Variants in ZSCAN18 observed in about 807,000 individuals in gnomAD.
The protein encoded by ZSCAN18 is zinc finger and SCAN domain-containing protein 18.
A neutral mutation model predicts 31.1 loss-of-function variants in ZSCAN18; 16 were observed. The ratio of observed to expected loss-of-function variants is 0.51; its 90% CI spans 0.35 to 0.78. The LOEUF is 0.78. Ranked by LOEUF, ZSCAN18 falls within the 30% of genes least tolerant of loss-of-function variation. The pLI is 0.01. For missense variants in ZSCAN18, 731 were observed against 697.4 expected (o/e 1.05, Z -0.54); for synonymous variants, 375 against 320.7 (o/e 1.17, Z -1.81).
rs146845983 is a variant in ZSCAN18, at chr19:58,097,408, T to C, written c.-120+766A>G. 8.4e-3 allele frequency among the ~76,000 whole-genome samples: 1,271 copies of C among 150,862 alleles called. 30 individuals carry two copies. Among genetic ancestry groups the C allele is most frequent in the African/African-American group, 0.028 (1,167 of 41,006 alleles). On this transcript the variant is annotated intron_variant, in intron 1 of 6. Transcript: ENST00000601144. The stretch of plus-strand genomic sequence containing the variant: ...CAGGCCCCCACCCCAACCCCCTGGG[T>C]CAGGACCGAAGCCAGTACACCCACT...
chr19:58,089,583 G>A (rs546158784), intron 2 of ZSCAN18, among the ~76,000 whole-genome samples: 15 of 152,288 alleles, frequency 9.8e-5, no homozygotes, highest in Admixed American at 8.5e-4. Flanking sequence ...CTGAGATTGC[G>A]CCACTGCGCT....
chr19:58,116,198 T>TA lies in ZSCAN18; in HGVS notation c.130+2068dup, dbSNP rs531549545. 4.4e-4 allele frequency among the ~76,000 whole-genome samples: 64 copies of TA among 145,544 alleles called. No homozygotes were observed. In the East Asian group the frequency reaches 9.9e-3, roughly 23 times the overall value. ...CTGGATATCACAAAGGAAAAAACTC[T>TA]AAAAAAAACCCCCAAAAAACGGCCT... is the stretch of plus-strand genomic sequence containing the variant. On this transcript the variant is annotated intron_variant, in intron 1 of 1. Coordinates refer to the ZSCAN18 transcript ENST00000595721.
intron 1 of ZSCAN18, 143 bp downstream of exon 1, chr19:58,098,031 C>T: frequency 1.0e-6 from 1 of 985,816 alleles, no homozygotes; most frequent in South Asian, 4.7e-5. Context: ...CCTCGGCCTC[C>T]TGGACGCACA....
intron 1 of ZSCAN18, among the ~76,000 whole-genome samples, chr19:58,097,538 G>A (rs2074542316): frequency 6.6e-6 from 1 of 151,776 alleles, no homozygotes; most frequent in Admixed American, 6.6e-5. Flanking sequence ...CCAAGGGTGG[G>A]GGCAGCAGAG....
rs1284746828 is a variant in ZSCAN18, at chr19:58,090,015, T to TG, written c.252dup (p.Lys85GlnfsTer19). On this transcript the variant is annotated frameshift_variant, in exon 2 of 7. Coordinates refer to ENST00000601144, the MANE Select transcript of ZSCAN18 (RefSeq NM_001145543.2). LOFTEE classifies it high-confidence loss of function. The surrounding 1 kb of genome is among the most constrained non-coding windows in gnomAD (Gnocchi z 4.7). Reference sequence around the variant, plus strand: ...ACCAGCAGCTCCAGCATCTGCTCCTTGGAGCGCGCCTCAGGCATCAGCCAC... The same window carrying TG: ...ACCAGCAGCTCCAGCATCTGCTCCTTGGGAGCGCGCCTCAGGCATCAGCCAC... 6.2e-7 allele frequency: 1 copy of TG among 1,613,932 alleles called. No homozygotes were observed. The highest frequency in any genetic ancestry group is 2.2e-5 in the East Asian group (1 of 44,892).
Position 58,090,365 on chromosome 19 carries a change from G to C in ZSCAN18, c.-98C>G. ...GATGACCAGATGCCCAGTGGGCTCA[G>C]GTGGTGCCAGAACCCACAGACCTGC... On this transcript the variant is annotated 5_prime_UTR_variant, in exon 2 of 7. Coordinates refer to ENST00000601144, the MANE Select transcript of ZSCAN18 (RefSeq NM_001145543.2). The surrounding 1 kb of genome is among the most constrained non-coding windows in gnomAD (Gnocchi z 4.7). 4 of 1,587,300 alleles carry C rather than the reference G, an allele frequency of 2.5e-6. No homozygotes were observed. Among genetic ancestry groups the C allele is most frequent in the East Asian group, 2.3e-5 (1 of 44,372 alleles).
rs747738797 is a variant in ZSCAN18 at position 58,084,697 on chromosome 19, C to T, written c.1521G>A (p.Glu507=). 1.0e-5 allele frequency: 15 copies of T among 1,499,476 alleles called. No individual in the cohort carries two copies. Among genetic ancestry groups the T allele is most frequent in the Non-Finnish European group, 1.1e-5 (12 of 1,134,988 alleles). 92.9% of individuals were successfully genotyped at this position (1,499,476 alleles called of 1,614,324 possible). Residue 507 remains glutamate, a synonymous_variant, in exon 7 of 7, where the codon GAG becomes GAA. Coordinates refer to ENST00000601144, the MANE Select transcript of ZSCAN18 (RefSeq NM_001145543.2). This position sits in a 1 kb window ranked among gnomAD's most constrained non-coding sequence, Gnocchi z 4.5. ...VEGEAPPAPP[E]AQR is the part of the protein sequence containing the mutation. ...ACAGCACAGCGGCTCACCTCTGCGC[C>T]TCTGGGGGTGCGGGGGGAGCCTCGC...
intron 1 of ZSCAN18, among the ~76,000 whole-genome samples, chr19:58,114,782 C>T (rs2074716854): frequency 1.3e-5 from 2 of 152,078 alleles, no homozygotes; most frequent in Non-Finnish European, 2.9e-5. Flanking sequence ...TCTTTTTTCT[C>T]AACTTTTCTG....
chr19:58,101,386 T>C (rs994996284), upstream of ZSCAN18, among the ~76,000 whole-genome samples: 2 of 149,988 alleles, frequency 1.3e-5, no homozygotes, highest in Non-Finnish European at 3.0e-5. Context: ...CCTGACCTCA[T>C]GATCCACCCG....
At chr19:58,086,820 A>C (rs2074289704) in intron 5 of ZSCAN18, 86 bp downstream of exon 5, 3 of 1,013,610 alleles carry the variant, frequency 3.0e-6, no homozygotes, top group Non-Finnish European at 4.5e-6. Flanking sequence ...GTCCCAGCCA[A>C]AGTCCCTGGG....
chr19:58,089,861 C>T lies in ZSCAN18; in HGVS notation c.403+4G>A. 1 of 1,604,320 alleles carries T rather than the reference C, an allele frequency of 6.2e-7. No homozygotes were observed. ...AGCCATGCTTCTCCTCTGTGACAGC[C>T]CACCTGGCTCTTCCAGGACATCAGC... On this transcript the variant is annotated splice_donor_region_variant and intron_variant, in intron 2 of 6. Transcript: ENST00000601144.
chr19:58,084,799 G>C lies in ZSCAN18; in HGVS notation c.1419C>G (p.Gly473=), dbSNP rs1410354192. ...GGGTGGACGGTTGGGGGCCCCGGGC[G>C]CCCCCCAGCGCGTAGCTTTTCTCCT... ...HEKEKSYALG[G]ARGPQPSTRE... The change falls in exon 7 of 7, where the codon GGC becomes GGG. Residue 473 remains glycine, a synonymous_variant. Coordinates refer to ENST00000601144, the MANE Select transcript of ZSCAN18 (RefSeq NM_001145543.2). This position sits in a 1 kb window ranked among gnomAD's most constrained non-coding sequence, Gnocchi z 4.5. 6.3e-7 allele frequency: 1 copy of C among 1,578,450 alleles called. No homozygotes were observed. The highest frequency in any genetic ancestry group is 1.8e-5 in the Admixed American group (1 of 55,756).
At position 58,085,049 on chromosome 19, in the gene ZSCAN18, T is replaced by TCGC. The variant is rs1453615711; in HGVS notation, c.1166_1168dup (p.Gly389dup). 20 of 1,597,396 alleles carry TCGC rather than the reference T, an allele frequency of 1.3e-5. No individual in the cohort carries two copies. The highest frequency in any genetic ancestry group is 1.7e-5 in the Non-Finnish European group (20 of 1,171,150). ...CTGCCCGGCCTCCAGCCCTGCGCTG[T>TCGC]CGCCGGAGCTAGAGACGCCCTCGAG... On this transcript the variant is annotated inframe_insertion, in exon 7 of 7. Coordinates refer to ENST00000601144, the MANE Select transcript of ZSCAN18 (RefSeq NM_001145543.2).
intron 2 of ZSCAN18, among the ~76,000 whole-genome samples, chr19:58,089,310 A>ACC (rs2074358448): frequency 5.4e-5 from 4 of 73,486 alleles, no homozygotes; most frequent in African/African-American, 2.2e-4. Context: ...CTCAAAAAAA[A>ACC]AAAAAAAAAA....
At chr19:58,087,066 C>T (rs2074296138) in intron 4 of ZSCAN18, 58 bp from the exon 5 acceptor site, 9 of 1,418,396 alleles carry the variant, frequency 6.3e-6, no homozygotes, top group East Asian at 2.4e-5. Flanking sequence ...GAGGACCCGC[C>T]GCAGCCCCAC....
Position 58,085,179 on chromosome 19 carries a change from T to C in ZSCAN18, c.1039A>G (p.Thr347Ala). The C allele has an allele frequency of 6.2e-7, 1 of 1,610,630 alleles. No individual in the cohort carries two copies. Among genetic ancestry groups the C allele is most frequent in the Non-Finnish European group, 8.5e-7 (1 of 1,179,418 alleles). Residue 347 changes from threonine (T) to alanine (A), a missense_variant, in exon 7 of 7, where the codon ACC becomes GCC. Thr to Ala is a moderately conservative substitution (Grantham distance 58, BLOSUM62 0). Around this residue, in one of 4 missense-constraint regions of ZSCAN18, gnomAD observed 597 missense variants for 499.5 expected, o/e 1.20. Transcript: ENST00000601144. ...DPQDAESDSA[T>A]GSQRQSVIQQ... ...ATGACGGACTGCCTCTGCGATCCGGTGGCAGAGTCGGACTCCGCGTCCTGG... is the reference window on the plus strand; with the variant it reads ...ATGACGGACTGCCTCTGCGATCCGGCGGCAGAGTCGGACTCCGCGTCCTGG...
At chr19:58,113,995 C>T (rs535070172) in intron 1 of ZSCAN18, among the ~76,000 whole-genome samples, 114 of 150,516 alleles carry the variant, frequency 7.6e-4, no homozygotes, top group African/African-American at 2.7e-3. Context: ...TAAGGCTGGG[C>T]GTGGTGGCTC....
chr19:58,103,236 C>CA (rs1206479040), intron 1 of ZSCAN18, among the ~76,000 whole-genome samples: 1 of 152,148 alleles, frequency 6.6e-6, no homozygotes, highest in Non-Finnish European at 1.5e-5. Flanking sequence ...AAAGGAAATA[C>CA]GGTAAGTCTT....
intron 1 of ZSCAN18, among the ~76,000 whole-genome samples, chr19:58,114,038 G>C (rs2074710020): frequency 6.6e-6 from 1 of 151,994 alleles, no homozygotes; most frequent in Non-Finnish European, 1.5e-5. Context: ...GGGAGGCCAA[G>C]GTGGGCAGAT....
Sources: allele counts gnomAD v4.1 joint callset (sites outside exome capture counted in the v4.1 genomes callset), GRCh38; gene constraint gnomAD v4.1.1; regional missense constraint gnomAD v4.1.1; non-coding constraint Gnocchi (gnomAD v3.1); transcripts MANE v1.5; gene names NCBI Gene and HGNC (gene_info 2026-07-23, HGNC 2026-07-21).